Variants in CNEP1R1 observed in about 807,000 individuals in gnomAD.
CNEP1R1 encodes nuclear envelope phosphatase-regulatory subunit 1.
In CNEP1R1, 10 loss-of-function variants were observed where a neutral mutation model predicts 22.7. The ratio of observed to expected loss-of-function variants is 0.44; its 90% confidence interval spans 0.27 to 0.75. The LOEUF (loss-of-function observed/expected upper bound fraction) is 0.75, where lower values mean the gene tolerates loss of function less well. Among genes scored for constraint, CNEP1R1 ranks in the 30% least tolerant of loss-of-function variants. The pLI is 0.17. For missense variants in CNEP1R1, 73 were observed against 151.5 expected, an observed-to-expected ratio of 0.48 and a Z score of 2.72; for synonymous variants, 53 against 50.1, an observed-to-expected ratio of 1.06 and a Z score of -0.25.
At chr16:50,032,871 G>A (rs751068603) in intron 3 of CNEP1R1, among the ~76,000 whole-genome samples, 1 of 152,124 alleles carries the variant, frequency 6.6e-6, no homozygotes, top group Non-Finnish European at 1.5e-5. Flanking sequence ...CGGGTGTGGT[G>A]GTGGGCGCCT....
chr16:50,034,127 T>C lies in CNEP1R1; in HGVS notation c.307T>C (p.Leu103=). 2 of 1,593,034 alleles carry C rather than the reference T, an allele frequency of 1.3e-6. No individual in the cohort carries two copies. The highest frequency in any genetic ancestry group is 1.7e-6 in the Non-Finnish European group (2 of 1,168,482). Residue 103 remains leucine, a synonymous_variant, in exon 5 of 6, where the codon TTA becomes CTA. Transcript: ENST00000427478. ...TATAGCTGCTCGATGTCGAACGGTA[T>C]TAGCAGAATACAATATGTCTTGTGA... ...SIIAARCRTV[L]AEYNMSCDDT...
At chr16:50,034,287 A>G in intron 5 of CNEP1R1, 131 bp downstream of exon 5, 2 of 639,966 alleles carry the variant, frequency 3.1e-6, no homozygotes, top group Non-Finnish European at 2.8e-6. Flanking sequence ...TACTTAGAGC[A>G]TTGATTCTAA....
chr16:50,033,430 T>A lies in CNEP1R1; in HGVS notation c.205T>A (p.Phe69Ile), dbSNP rs756966584. The A allele has an allele frequency of 1.9e-6, 3 of 1,597,666 alleles. No individual in the cohort carries two copies. The highest frequency in any genetic ancestry group is 2.6e-6 in the Non-Finnish European group (3 of 1,166,394). Residue 69 changes from phenylalanine (F) to isoleucine (I), a missense_variant, in exon 4 of 6, where the codon TTT becomes ATT. By Grantham distance (21) the Phe-to-Ile change is conservative. Transcript: ENST00000427478. ...CTTCACATCATTATGGAATCACCCATTTTTCACCATTAGCTGTATCACTCT... is the reference window on the plus strand; with the variant it reads ...CTTCACATCATTATGGAATCACCCAATTTTCACCATTAGCTGTATCACTCT... ...SFFTSLWNHP[F>I]FTISCITLIG...
At chr16:50,031,785 G>C (rs189695354) in intron 3 of CNEP1R1, among the ~76,000 whole-genome samples, 1 of 152,098 alleles carries the variant, frequency 6.6e-6, no homozygotes, top group Non-Finnish European at 1.5e-5. Flanking sequence ...AACCTAGGGA[G>C]AGAAAGAATA....
intron 4 of CNEP1R1, among the ~76,000 whole-genome samples, chr16:50,033,868 A>T (rs1466167399): frequency 2.0e-5 from 3 of 147,840 alleles, no homozygotes; most frequent in African/African-American, 7.4e-5. Flanking sequence ...CGTCTCAAAA[A>T]AAAAAAAAAG....
intron 2 of CNEP1R1, among the ~76,000 whole-genome samples, chr16:50,028,721 A>AT (rs1368946646): frequency 6.6e-6 from 1 of 152,090 alleles, no homozygotes; most frequent in Admixed American, 6.5e-5. Context: ...TTTCTAGTGT[A>AT]TTGATTTTGC....
chr16:50,026,657 GTTGT>G (rs2036186594), intron 2 of CNEP1R1, 190 bp downstream of exon 2: 4 of 562,638 alleles, frequency 7.1e-6, no homozygotes, highest in East Asian at 5.8e-5. Flanking sequence ...ATTTCGTGTG[GTTGT>G]TTTTGTTTTT....
Position 50,025,241 on chromosome 16 carries a change from G to A in CNEP1R1, c.-75G>A. The A allele has an allele frequency of 8.1e-6, 11 of 1,360,210 alleles. No homozygotes were observed. The highest frequency in any genetic ancestry group is 1.5e-5 in the African/African-American group (1 of 64,888). The allele number at this position is 1,360,210 out of a possible 1,614,324, so 84.3% of individuals were successfully genotyped here. A position where few individuals can be genotyped will look rare whatever the true frequency, so the allele number is the denominator to read the frequency against. On this transcript the variant is annotated 5_prime_UTR_variant, in exon 1 of 6. Coordinates refer to ENST00000427478, the MANE Select transcript of CNEP1R1 (RefSeq NM_001281789.2). ...GGAGCGGTTAGAGGTGGGAGTTGGC[G>A]CTGCGGGCCGGGCGGGGGCCGCGGA... is the stretch of plus-strand genomic sequence containing the variant.
intron 3 of CNEP1R1, among the ~76,000 whole-genome samples, chr16:50,031,901 A>G: frequency 6.6e-6 from 1 of 152,178 alleles, no homozygotes; most frequent in South Asian, 2.1e-4. Flanking sequence ...GGCCTAATTA[A>G]AATGAAGACA....
chr16:50,026,173 T>A (rs536700021), intron 1 of CNEP1R1: 3 of 461,592 alleles, frequency 6.5e-6, no homozygotes, highest in Non-Finnish European at 1.2e-5. Context: ...GCAAGTTTTC[T>A]TATATGAGAA....
In CNEP1R1 at chr16:50,025,272, C is replaced by T. The variant is rs993709097; in HGVS notation, c.-44C>T. 9 of 1,389,404 alleles carry T rather than the reference C, an allele frequency of 6.5e-6. No individual in the cohort carries two copies. The highest frequency in any genetic ancestry group is 4.6e-5 in the African/African-American group (3 of 65,326). 86.1% of individuals were successfully genotyped at this position (1,389,404 alleles called of 1,614,324 possible). A position where few individuals can be genotyped will look rare whatever the true frequency, so the allele number is the denominator to read the frequency against. ...GGCCGGGCGGGGGCCGCGGAAGCTG[C>T]GATGCGGACAGGGCAGCGGCGGTGA... On this transcript the variant is annotated 5_prime_UTR_variant, in exon 1 of 6. Transcript: ENST00000427478.
intron 2 of CNEP1R1, among the ~76,000 whole-genome samples, chr16:50,028,085 G>A (rs2036202200): frequency 6.6e-6 from 1 of 152,136 alleles, no homozygotes; most frequent in Non-Finnish European, 1.5e-5. Flanking sequence ...ATCCTCCCTA[G>A]TAGCTGAGAT....
At chr16:50,026,855 C>G (rs1224154279) in intron 2 of CNEP1R1, 1 of 172,140 alleles carries the variant, frequency 5.8e-6, no homozygotes, top group African/African-American at 2.4e-5. Context: ...TGCCTGTGAT[C>G]CCAGCTACTC....
intron 1 of CNEP1R1, chr16:50,025,780 G>A: frequency 8.1e-7 from 1 of 1,227,520 alleles, no homozygotes. Context: ...ACTCGGAGCA[G>A]CTTAGACGCC....
At chr16:50,025,996 T>TGTTA (rs1165469002) in intron 1 of CNEP1R1, among the ~76,000 whole-genome samples, 1 of 152,208 alleles carries the variant, frequency 6.6e-6, no homozygotes, top group Non-Finnish European at 1.5e-5. Context: ...AAGACTTTGA[T>TGTTA]GTTAGGCACT....
At chr16:50,025,848 G>A (rs943654560) in intron 1 of CNEP1R1, 3 of 654,138 alleles carry the variant, frequency 4.6e-6, no homozygotes, top group Non-Finnish European at 8.1e-6. Context: ...GTACCCCTTC[G>A]GAGGGGGCAA....
At chr16:50,025,865 T>C in intron 1 of CNEP1R1, 1 of 615,402 alleles carries the variant, frequency 1.6e-6, no homozygotes, top group Admixed American at 2.9e-5. Context: ...GCAAGGGGAA[T>C]GTCTTTCCAC....
chr16:50,037,056 A>C lies in CNEP1R1; in HGVS notation c.*1598A>C, dbSNP rs2036285967. 6.6e-6 allele frequency: 1 copy of C among 151,774 alleles called. No individual in the cohort carries two copies. The highest frequency in any genetic ancestry group is 6.6e-5 in the Admixed American group (1 of 15,080). 9.4% of individuals were successfully genotyped at this position (151,774 alleles called of 1,614,324 possible). On this transcript the variant is annotated 3_prime_UTR_variant, in exon 6 of 6. Transcript: ENST00000427478. Reference sequence around the variant, plus strand: ...GTAAATTTTGTAGGTAAATATGTGCATTAAAAATAAATACTTTATATATAA... The same window carrying C: ...GTAAATTTTGTAGGTAAATATGTGCCTTAAAAATAAATACTTTATATATAA...
intron 3 of CNEP1R1, among the ~76,000 whole-genome samples, chr16:50,030,496 T>C (rs2144277071): frequency 6.6e-6 from 1 of 152,332 alleles, no homozygotes; most frequent in East Asian, 1.9e-4. Context: ...TTATCTCTGT[T>C]AATACCTTTC....
Sources: allele counts gnomAD v4.1 joint callset (sites outside exome capture counted in the v4.1 genomes callset), GRCh38; gene constraint gnomAD v4.1.1; transcripts MANE v1.5; gene names NCBI Gene and HGNC (gene_info 2026-07-23, HGNC 2026-07-21).